LRRC4B: variants seen among roughly 807,000 people sequenced by gnomAD.
LRRC4B encodes leucine rich repeat containing 4B, also known as leucine-rich repeat-containing protein 4B.
In LRRC4B, 1 loss-of-function variant was observed where a neutral mutation model predicts 7.3. That is an observed-to-expected ratio of 0.14 (90% CI 0.05 to 0.65). The LOEUF (loss-of-function observed/expected upper bound fraction) is 0.65, where lower values mean the gene tolerates loss of function less well. Ranked by LOEUF, LRRC4B falls within the 30% of genes least tolerant of loss-of-function variation. The pLI is 0.84. For synonymous variants in LRRC4B, 500 were observed against 499.2 expected (o/e 1.00, Z -0.02); for missense variants, 730 against 1,041.6 (o/e 0.70, Z 4.12).
At chr19:50,533,534 A>C (rs888173894) in intron 2 of LRRC4B, among the ~76,000 whole-genome samples, 4 of 152,160 alleles carry the variant, frequency 2.6e-5, no homozygotes, top group African/African-American at 7.2e-5. Context: ...AGACCAGTTC[A>C]TTCTTCTCTT....
chr19:50,538,567 T>G (rs1310682748), intron 2 of LRRC4B, among the ~76,000 whole-genome samples: 1 of 120,296 alleles, frequency 8.3e-6, no homozygotes, highest in African/African-American at 4.9e-5. Context: ...TTGTTTTTTT[T>G]TTTTTTTTTT....
intron 1 of LRRC4B, among the ~76,000 whole-genome samples, chr19:50,565,723 C>G (rs1982607942): frequency 6.6e-6 from 1 of 151,804 alleles, no homozygotes; most frequent in African/African-American, 2.4e-5. Flanking sequence ...CCCTGCTGGC[C>G]CCAGCAGGCA....
chr19:50,543,852 CAAAAAAA>C (rs36044151), intron 2 of LRRC4B, among the ~76,000 whole-genome samples: 1 of 83,382 alleles, frequency 1.2e-5, no homozygotes, highest in Non-Finnish European at 2.3e-5. Flanking sequence ...GCCTCCATCT[CAAAAAAA>C]AAAAAAAAAA....
At chr19:50,554,055 G>A (rs965843700) in intron 1 of LRRC4B, among the ~76,000 whole-genome samples, 2 of 149,040 alleles carry the variant, frequency 1.3e-5, no homozygotes, top group East Asian at 3.9e-4. Context: ...GTGCAGTGGC[G>A]CGATCTCAGC....
chr19:50,525,745 C>T (rs937384588), intron 2 of LRRC4B, among the ~76,000 whole-genome samples: 5 of 152,020 alleles, frequency 3.3e-5, no homozygotes, highest in East Asian at 1.9e-4. Context: ...CATCCTTTCC[C>T]GCAGAAAATC....
chr19:50,534,287 C>A (rs1297891429), intron 2 of LRRC4B, among the ~76,000 whole-genome samples: 1 of 151,710 alleles, frequency 6.6e-6, no homozygotes, highest in Admixed American at 6.6e-5. Context: ...CCTCCAAGGC[C>A]TGATTTGAAA....
Position 50,520,245 on chromosome 19 carries a change from A to AAAG in LRRC4B, c.298-833_298-831dup, listed in dbSNP as rs1568716032. 3.9e-3 allele frequency among the ~76,000 whole-genome samples: 165 copies of AAAG among 42,342 alleles called. 9 individuals carry two copies. The highest frequency in any genetic ancestry group is 0.011 in the East Asian group (15 of 1,310). The allele number at this position is 42,342 out of a possible 152,430, so 27.8% of individuals were successfully genotyped here. ...AAAAAAAAAAAAAAAAAAAAAAAAAAAAGAAGAAAAGAAAAGAAAAATGAA... is the reference window on the plus strand; with the variant it reads ...AAAAAAAAAAAAAAAAAAAAAAAAAAAAGAAGAAGAAAAGAAAAGAAAAATGAA... On this transcript the variant is annotated intron_variant, in intron 2 of 2. Transcript: ENST00000652263.
At chr19:50,529,277 TG>T (rs1265791827) in intron 2 of LRRC4B, among the ~76,000 whole-genome samples, 3 of 151,940 alleles carry the variant, frequency 2.0e-5, no homozygotes, top group African/African-American at 7.3e-5. Context: ...TGAAGCCCAG[TG>T]GGAGACAGCG....
rs1419427984 is a variant in LRRC4B, at chr19:50,519,470, G to C, written c.298-55C>G. 6 of 1,480,070 alleles carry C rather than the reference G, an allele frequency of 4.1e-6. No homozygotes were observed. The African/African-American group carries it at 8.4e-5, about 21-fold the overall frequency. 91.7% of individuals were successfully genotyped at this position (1,480,070 alleles called of 1,614,324 possible). A position where few individuals can be genotyped will look rare whatever the true frequency, so the allele number is the denominator to read the frequency against. ...GGAGATACTGACGGGGACCGTGGGG[G>C]GATCACCAAGGTCCCGGGCGCAGGT... On this transcript the variant is annotated intron_variant, in intron 2 of 2. Transcript: ENST00000652263. The surrounding 1 kb of genome is among the most constrained non-coding windows in gnomAD (Gnocchi z 8.1).
rs1267515832 is a variant in LRRC4B at position 50,568,294 on chromosome 19, T to C, written c.-386A>G. On this transcript the variant is annotated 5_prime_UTR_variant, in exon 1 of 3. Transcript: ENST00000652263. ...TTCCTTCCAGCCTTCCTTCCTTCCT[T>C]CCTCCCTCCTCGGGCCCGCCGGCGC... Among the ~76,000 whole-genome samples, 14 of 145,576 alleles carry C rather than the reference T, an allele frequency of 9.6e-5. No homozygotes were observed. The highest frequency in any genetic ancestry group is 4.3e-4 in the East Asian group (2 of 4,620).
At chr19:50,543,948 G>A (rs1981679163) in intron 2 of LRRC4B, among the ~76,000 whole-genome samples, 1 of 152,020 alleles carries the variant, frequency 6.6e-6, no homozygotes, top group Admixed American at 6.6e-5. Flanking sequence ...GCTTGGGCCT[G>A]TAATCCCAGA....
At chr19:50,561,818 G>A (rs765650723) in intron 1 of LRRC4B, among the ~76,000 whole-genome samples, 4 of 151,842 alleles carry the variant, frequency 2.6e-5, no homozygotes, top group Non-Finnish European at 5.9e-5. Context: ...TTTTATGGCC[G>A]AGTGCAGTGG....
intron 2 of LRRC4B, among the ~76,000 whole-genome samples, chr19:50,546,562 G>T (rs773132432): frequency 6.6e-6 from 1 of 152,228 alleles, no homozygotes; most frequent in Admixed American, 6.5e-5. Context: ...AGAAATAGAG[G>T]CGTCTGGATC....
Position 50,563,147 on chromosome 19 carries a change from G to A in LRRC4B, c.-36+4797C>T, listed in dbSNP as rs961245669. ...GGAAACAGCAGTCCCCTGGGCTCCC[G>A]CCTGCCTCCCGCAGTGAGCCCCCAT... On this transcript the variant is annotated intron_variant, in intron 1 of 2. Transcript: ENST00000652263. The surrounding 1 kb of genome is among the most constrained non-coding windows in gnomAD (Gnocchi z 4.9). 2.0e-5 allele frequency among the ~76,000 whole-genome samples: 3 copies of A among 151,952 alleles called. No homozygotes were observed. The highest frequency in any genetic ancestry group is 2.1e-4 in the South Asian group (1 of 4,804).
At position 50,557,105 on chromosome 19, in the gene LRRC4B, C is replaced by T. The variant is rs371807028; in HGVS notation, c.-35-8232G>A. On this transcript the variant is annotated intron_variant, in intron 1 of 2. Transcript: ENST00000652263. ...GGTCCGGGGGTAGAGGATGAGGCCG[C>T]GGCTGGAGCCACGGGGATGGAGAGA... Among the ~76,000 whole-genome samples, 5 of 151,814 alleles carry T rather than the reference C, an allele frequency of 3.3e-5. No homozygotes were observed. In the East Asian group the frequency reaches 5.8e-4, roughly 18 times the overall value.
chr19:50,518,517 G>A lies in LRRC4B; in HGVS notation c.1196C>T (p.Pro399Leu). The change falls in exon 3 of 3, where the codon CCC becomes CTC. Residue 399 changes from proline (P) to leucine (L), a missense_variant. Around this residue, in one of 6 missense-constraint regions of LRRC4B, gnomAD observed 226 missense variants for 448.0 expected, o/e 0.50. Transcript: ENST00000652263. ...TSMTSVNWLT[P>L]NGTLMTHGSY... ...GCCGTGGGTCATGAGGGTGCCGTTG[G>A]GCGTCAGCCAGTTGACGGAGGTCAT... is the stretch of plus-strand genomic sequence containing the variant. 6.4e-7 allele frequency: 1 copy of A among 1,569,484 alleles called. No homozygotes were observed.
intron 2 of LRRC4B, among the ~76,000 whole-genome samples, chr19:50,521,905 G>T (rs557578687): frequency 6.6e-6 from 1 of 152,036 alleles, no homozygotes; most frequent in Non-Finnish European, 1.5e-5. Flanking sequence ...GCTGGGCATG[G>T]TGGCTCACAG....
At chr19:50,521,497 G>A (rs1423559141) in intron 2 of LRRC4B, among the ~76,000 whole-genome samples, 10 of 152,062 alleles carry the variant, frequency 6.6e-5, no homozygotes, top group African/African-American at 1.2e-4. Flanking sequence ...GCACAATCTC[G>A]GCTCACTGTA....
In LRRC4B at chr19:50,556,793, G is replaced by A. The variant is rs1982290512; in HGVS notation, c.-35-7920C>T. On this transcript the variant is annotated intron_variant, in intron 1 of 2. Transcript: ENST00000652263. This position sits in a 1 kb window ranked among gnomAD's most constrained non-coding sequence, Gnocchi z 4.2. Reference sequence around the variant, plus strand: ...GTTCCTCTGCTGGCACCCGAGGCAAGGAGCCCTGGGTCTCTAGGGAGGCAA... The same window carrying A: ...GTTCCTCTGCTGGCACCCGAGGCAAAGAGCCCTGGGTCTCTAGGGAGGCAA... Among the ~76,000 whole-genome samples the A allele has an allele frequency of 6.6e-6, 1 of 152,266 alleles. No individual in the cohort carries two copies. Among genetic ancestry groups the A allele is most frequent in the African/African-American group, 2.4e-5 (1 of 41,554 alleles).
Sources: allele counts gnomAD v4.1 joint callset (sites outside exome capture counted in the v4.1 genomes callset), GRCh38; gene constraint gnomAD v4.1.1; regional missense constraint gnomAD v4.1.1; non-coding constraint Gnocchi (gnomAD v3.1); transcripts MANE v1.5; gene names NCBI Gene and HGNC (gene_info 2026-07-23, HGNC 2026-07-21).